AHSG: variants seen among roughly 807,000 people sequenced by gnomAD.
AHSG encodes the protein alpha-2-HS-glycoprotein.
In AHSG, 23 loss-of-function variants were observed where a neutral mutation model predicts 30.1. The ratio of observed to expected loss-of-function variants is 0.76; its 90% confidence interval spans 0.55 to 1.08. AHSG has a LOEUF of 1.08. Among genes scored for constraint, AHSG ranks in the 50% least tolerant of loss-of-function variants. The pLI is 0.00. For synonymous variants in AHSG, 164 were observed against 186.3 expected, an observed-to-expected ratio of 0.88 and a Z score of 0.98; for missense variants, 469 against 459.5, an observed-to-expected ratio of 1.02 and a Z score of -0.19.
At chr3:186,613,947 CA>C (rs774680587) in intron 1 of AHSG, among the ~76,000 whole-genome samples, 1 of 150,616 alleles carries the variant, frequency 6.6e-6, no homozygotes, top group African/African-American at 2.4e-5. Context: ...TTTTTTGGTC[CA>C]AAATCATATA....
rs7633550 is a variant in AHSG at position 186,617,201 on chromosome 3, G to A, written c.424G>A (p.Val142Met). The A allele has an allele frequency of 5.0e-6, 8 of 1,611,912 alleles. No individual in the cohort carries two copies. Among genetic ancestry groups the A allele is most frequent in the Non-Finnish European group, 6.8e-6 (8 of 1,179,122 alleles). ...TCTCCGAGCAGACTCAGCCGAGGAC[G>A]TGCGCAAGGTGTGCCAAGACTGCCC... ...CDSSPDSAED[V>M]RKVCQDCPLL... The change falls in exon 4 of 7, where the codon GTG becomes ATG. Residue 142 changes from valine (V) to methionine (M), a missense_variant. Val to Met is a conservative substitution (Grantham distance 21). Transcript: ENST00000411641.
chr3:186,616,376 C>T, intron 2 of AHSG, 67 bp from the exon 3 acceptor site: 1 of 1,335,508 alleles, frequency 7.5e-7, no homozygotes, highest in Non-Finnish European at 1.1e-6. Context: ...ACAGCCGTGC[C>T]TGGAGGGAGC....
intron 4 of AHSG, 69 bp from the exon 5 acceptor site, chr3:186,618,467 G>A (rs1006051610): frequency 5.0e-6 from 8 of 1,585,066 alleles, no homozygotes; most frequent in African/African-American, 4.0e-5. Context: ...GCTACTTCCC[G>A]CTCTCCTTCT....
At chr3:186,618,790 T>G (rs576501096) in intron 5 of AHSG, among the ~76,000 whole-genome samples, 153 bp downstream of exon 5, 3 of 152,258 alleles carry the variant, frequency 2.0e-5, no homozygotes, top group African/African-American at 7.2e-5. Context: ...TCTTTTAGGG[T>G]GTCACCTCAT....
At chr3:186,618,894 G>A (rs981811412) in intron 5 of AHSG, among the ~76,000 whole-genome samples, 4 of 152,182 alleles carry the variant, frequency 2.6e-5, no homozygotes, top group Non-Finnish European at 5.9e-5. Flanking sequence ...GCCAAGTCAC[G>A]CCCACCCACT....
At chr3:186,615,871 C>T (rs1716288893) in intron 2 of AHSG, 76 bp downstream of exon 2, 4 of 1,343,218 alleles carry the variant, frequency 3.0e-6, no homozygotes, top group Non-Finnish European at 4.2e-6. Context: ...CTCAGCCTGC[C>T]TTCTTGGCTA....
chr3:186,617,138 A>G, intron 3 of AHSG, 49 bp from the exon 4 acceptor site: 1 of 1,576,002 alleles, frequency 6.3e-7, no homozygotes. Context: ...AGCTGGGGCC[A>G]TGCCAGGGAG....
In AHSG at chr3:186,617,319, A is replaced by G; in HGVS notation, c.542A>G (p.Gln181Arg). 1 of 1,614,190 alleles carries G rather than the reference A, an allele frequency of 6.2e-7. No homozygotes were observed. The highest frequency in any genetic ancestry group is 8.5e-7 in the Non-Finnish European group (1 of 1,180,036). The change falls in exon 4 of 7, where the codon CAG becomes CGG. Residue 181 changes from glutamine (Q) to arginine (R), a missense_variant. Transcript: ENST00000411641. ...GCTCAGAACAACGGCTCCAATTTTC[A>G]GCTGGAGGAAATTTCCCGGGCTCAG... ...FNAQNNGSNF[Q>R]LEEISRAQLV...
At chr3:186,619,456 T>C (rs1463054410) in intron 5 of AHSG, among the ~76,000 whole-genome samples, 2 of 152,056 alleles carry the variant, frequency 1.3e-5, no homozygotes, top group Admixed American at 1.3e-4. Flanking sequence ...AAATAGAAAA[T>C]TGTGCAGACA....
intron 4 of AHSG, 187 bp downstream of exon 4, chr3:186,617,537 C>T (rs770901887): frequency 9.1e-7 from 1 of 1,103,066 alleles, no homozygotes; most frequent in Non-Finnish European, 1.3e-6. Flanking sequence ...GTCATGAGGA[C>T]CCCAACACCC....
At position 186,619,958 on chromosome 3, in the gene AHSG, A is replaced by G; in HGVS notation, c.759+18A>G. 6.3e-7 allele frequency: 1 copy of G among 1,590,952 alleles called. No individual in the cohort carries two copies. Among genetic ancestry groups the G allele is most frequent in the Non-Finnish European group, 8.6e-7 (1 of 1,165,546 alleles). On this transcript the variant is annotated intron_variant, in intron 6 of 6. Transcript: ENST00000411641. ...AAACACAGGTAACAGCTCCGTGAAT[A>G]TTCTTGCCTACACCTTCAGAATACA...
At chr3:186,616,305 A>G (rs1480753410) in intron 2 of AHSG, 138 bp from the exon 3 acceptor site, 2 of 616,388 alleles carry the variant, frequency 3.2e-6, no homozygotes, top group South Asian at 2.2e-5. Context: ...TATCCCTGAA[A>G]GCAGAGAGTG....
rs944408765 is a variant in AHSG at position 186,616,300 on chromosome 3, C to T, written c.325-143C>T. On this transcript the variant is annotated intron_variant, in intron 2 of 6. Coordinates refer to ENST00000411641, the MANE Select transcript of AHSG (RefSeq NM_001622.4). ...AGCGTTTAACTATATCGTTGTATCC[C>T]TGAAAGCAGAGAGTGCCATGTTTCA... 4.2e-5 allele frequency: 26 copies of T among 612,014 alleles called. No individual in the cohort carries two copies. The South Asian group carries it at 5.3e-4, about 12-fold the overall frequency. 37.9% of individuals were successfully genotyped at this position (612,014 alleles called of 1,614,324 possible).
chr3:186,614,932 T>C (rs1716250028), intron 1 of AHSG, among the ~76,000 whole-genome samples: 1 of 152,168 alleles, frequency 6.6e-6, no homozygotes, highest in Admixed American at 6.5e-5. Context: ...CAGAAACAGG[T>C]GAACTCACAA....
chr3:186,620,896 C>A lies in AHSG; in HGVS notation c.1070C>A (p.Pro357Gln). The A allele has an allele frequency of 6.2e-7, 1 of 1,614,026 alleles. No homozygotes were observed. Among genetic ancestry groups the A allele is most frequent in the Non-Finnish European group, 8.5e-7 (1 of 1,179,950 alleles). The change falls in exon 7 of 7, where the codon CCA (proline) becomes CAA (glutamine). Residue 357 changes from proline to glutamine, a missense_variant. Pro to Gln is a moderately conservative substitution (Grantham distance 76). Transcript: ENST00000411641. ...GCTGCTGCTGGGCCAGTGGTTCCTCCATGTCCGGGGAGGATCAGACACTTC... is the reference window on the plus strand; with the variant it reads ...GCTGCTGCTGGGCCAGTGGTTCCTCAATGTCCGGGGAGGATCAGACACTTC... ...VGAAAGPVVP[P>Q]CPGRIRHFKV is the part of the protein sequence containing the mutation.
In AHSG at chr3:186,621,113, G is replaced by A. The variant is rs1716482490; in HGVS notation, c.*183G>A. The A allele has an allele frequency of 6.4e-6, 4 of 623,762 alleles. No individual in the cohort carries two copies. The highest frequency in any genetic ancestry group is 1.1e-5 in the Non-Finnish European group (4 of 363,640). The allele number at this position is 623,762 out of a possible 1,614,324, so 38.6% of individuals were successfully genotyped here. ...CTCACAGGACAGAAGCAGAGTGGGTGGTGGTTATGTTTGACAGAAGGCATT... is the reference window on the plus strand; with the variant it reads ...CTCACAGGACAGAAGCAGAGTGGGTAGTGGTTATGTTTGACAGAAGGCATT... On this transcript the variant is annotated 3_prime_UTR_variant, in exon 7 of 7. Transcript: ENST00000411641.
chr3:186,617,207 A>AAGGTGTGCCAAGACTGC lies in AHSG; in HGVS notation c.431_447dup (p.Pro150ArgfsTer12). 1.2e-6 allele frequency: 2 copies of AAGGTGTGCCAAGACTGC among 1,612,996 alleles called. No homozygotes were observed. Among genetic ancestry groups the AAGGTGTGCCAAGACTGC allele is most frequent in the Non-Finnish European group, 1.7e-6 (2 of 1,179,654 alleles). ...AGCAGACTCAGCCGAGGACGTGCGCAAGGTGTGCCAAGACTGCCCCCTGCT... is the reference window on the plus strand; with the variant it reads ...AGCAGACTCAGCCGAGGACGTGCGCAAGGTGTGCCAAGACTGCAGGTGTGCCAAGACTGCCCCCTGCT... On this transcript the variant is annotated frameshift_variant, in exon 4 of 7. Coordinates refer to ENST00000411641, the MANE Select transcript of AHSG (RefSeq NM_001622.4). LOFTEE classifies it high-confidence loss of function.
In AHSG at chr3:186,620,906, G is replaced by A. The variant is rs1306369647; in HGVS notation, c.1080G>A (p.Gly360=). ...AAGPVVPPCP[G]RIRHFKV is the part of the protein sequence containing the mutation. ...GGCCAGTGGTTCCTCCATGTCCGGG[G>A]AGGATCAGACACTTCAAGGTCTAGG... Residue 360 remains glycine, a synonymous_variant, in exon 7 of 7, where the codon GGG becomes GGA. Transcript: ENST00000411641. The A allele has an allele frequency of 3.1e-6, 5 of 1,613,684 alleles. No individual in the cohort carries two copies. Among genetic ancestry groups the A allele is most frequent in the Non-Finnish European group, 3.4e-6 (4 of 1,179,830 alleles).
chr3:186,616,297 TC>T (rs1716302489), intron 2 of AHSG, 145 bp from the exon 3 acceptor site: 2 of 603,542 alleles, frequency 3.3e-6, no homozygotes, highest in Admixed American at 6.0e-5. Context: ...TATCGTTGTA[TC>T]CCTGAAAGCA....
Sources: gnomAD v4.1 joint callset for allele counts (sites outside exome capture counted in the v4.1 genomes callset) on GRCh38, gnomAD v4.1.1 for gene constraint, MANE v1.5 for transcripts, NCBI Gene and HGNC (gene_info 2026-07-23, HGNC 2026-07-21) for gene names.